Variants in ATG7 observed in about 807,000 individuals in gnomAD.
ATG7 encodes the protein ubiquitin-like modifier-activating enzyme ATG7.
ATG7 carries 70 observed loss-of-function variants against 82.4 expected under a neutral mutation model. The ratio of observed to expected loss-of-function variants is 0.85; its 90% CI spans 0.70 to 1.04. The LOEUF is 1.04. Among genes scored for constraint, ATG7 ranks in the 50% least tolerant of loss-of-function variants. The pLI, the probability that ATG7 is intolerant of heterozygous loss-of-function variation, is 0.00. For missense variants in ATG7, 792 were observed against 864.3 expected (o/e 0.92, Z 1.05); for synonymous variants, 287 against 313.0 (o/e 0.92, Z 0.88).
At chr3:11,541,421 C>T (rs529604156) in intron 20 of ATG7, among the ~76,000 whole-genome samples, 7 of 152,266 alleles carry the variant, frequency 4.6e-5, no homozygotes, top group African/African-American at 1.7e-4. Context: ...TCCTGGTTAT[C>T]CTCATCTCAG....
intron 20 of ATG7, among the ~76,000 whole-genome samples, chr3:11,549,904 T>C (rs1267173565): frequency 6.6e-6 from 1 of 152,216 alleles, no homozygotes; most frequent in Non-Finnish European, 1.5e-5. Flanking sequence ...ATCGCTGGCC[T>C]TTAGCTTCAG....
chr3:11,511,634 C>A (rs2092062449), intron 20 of ATG7, among the ~76,000 whole-genome samples: 1 of 152,118 alleles, frequency 6.6e-6, no homozygotes, highest in Admixed American at 6.5e-5. Flanking sequence ...GGACTGGGCG[C>A]CGTGAGCAGG....
At chr3:11,439,618 G>C (rs943330193) in intron 20 of ATG7, among the ~76,000 whole-genome samples, 2 of 152,182 alleles carry the variant, frequency 1.3e-5, no homozygotes, top group African/African-American at 2.4e-5. Flanking sequence ...AAAGTCACTA[G>C]GACTGCAAGG....
At chr3:11,485,718 A>G (rs2089548528) in intron 20 of ATG7, among the ~76,000 whole-genome samples, 5 of 152,170 alleles carry the variant, frequency 3.3e-5, no homozygotes, top group Admixed American at 3.3e-4. Flanking sequence ...TAATTTTTGT[A>G]TAAGGTGTAA....
the ATG7 span, among the ~76,000 whole-genome samples, chr3:11,567,665 A>G: frequency 1.4e-4 from 22 of 152,180 alleles, no homozygotes; most frequent in Non-Finnish European, 2.6e-4. Context: ...GATCCCAGAC[A>G]CCGATGTCAC....
chr3:11,425,124 G>A (rs2152939756), intron 19 of ATG7, among the ~76,000 whole-genome samples: 1 of 152,176 alleles, frequency 6.6e-6, no homozygotes, highest in Non-Finnish European at 1.5e-5. Context: ...CACCATGCCT[G>A]GCTAATTTTT....
intron 19 of ATG7, among the ~76,000 whole-genome samples, chr3:11,417,607 T>G (rs2081478758): frequency 6.6e-6 from 1 of 152,014 alleles, no homozygotes; most frequent in Non-Finnish European, 1.5e-5. Context: ...TTTTATTTCT[T>G]GTTCCATTAT....
chr3:11,529,930 C>T (rs2092662027), intron 20 of ATG7, among the ~76,000 whole-genome samples: 1 of 152,214 alleles, frequency 6.6e-6, no homozygotes, highest in Non-Finnish European at 1.5e-5. Context: ...CCATCTGCAC[C>T]ACCATCCTCT....
chr3:11,386,169 C>T (rs1295075697), intron 19 of ATG7, among the ~76,000 whole-genome samples: 2 of 152,156 alleles, frequency 1.3e-5, no homozygotes, highest in African/African-American at 4.8e-5. Flanking sequence ...CTCTGCCCGC[C>T]TTCATTTATT....
intron 3 of ATG7, among the ~76,000 whole-genome samples, chr3:11,291,607 T>C (rs1401505240): frequency 6.6e-6 from 1 of 152,190 alleles, no homozygotes; most frequent in Non-Finnish European, 1.5e-5. Flanking sequence ...AGTGTAGTGC[T>C]TGGTACAGAA....
chr3:11,495,998 A>T lies in ATG7; in HGVS notation c.2080-58813A>T, dbSNP rs371408342. Among the ~76,000 whole-genome samples the T allele has an allele frequency of 4.6e-5, 7 of 152,340 alleles. 1 individual carries two copies. The East Asian group carries it at 1.4e-3, about 29-fold the overall frequency. The stretch of plus-strand genomic sequence containing the variant: ...CATTTCCAGGCACTTTCCACATGGT[A>T]GCCCTATGACGTAAGTAAATTTGGG... On this transcript the variant is annotated intron_variant, in intron 20 of 20. Transcript: ENST00000693202.
chr3:11,306,825 ATCT>A (rs1947828360), intron 5 of ATG7, 115 bp from the exon 6 acceptor site: 1 of 739,778 alleles, frequency 1.4e-6, no homozygotes. Context: ...CATACAGTTA[ATCT>A]TCTGTTTGCC....
At position 11,299,397 on chromosome 3, in the gene ATG7, G is replaced by T. The variant is rs1219329695; in HGVS notation, c.196G>T (p.Glu66Ter). 1 of 1,612,220 alleles carries T rather than the reference G, an allele frequency of 6.2e-7. No homozygotes were observed. The highest frequency in any genetic ancestry group is 8.5e-7 in the Non-Finnish European group (1 of 1,178,306). The stretch of plus-strand genomic sequence containing the variant: ...TGGGCTGCCAGCTCGCTTAACATTG[G>T]AGTTCAGTGCTTTTGACATGTGAGT... ...SAGLPARLTL[E>*]FSAFDMSAPT... Residue 66 changes from glutamate (E) to a stop codon, truncating the protein, a stop_gained, in exon 5 of 21, where the codon GAG (glutamate) becomes TAG (stop). Transcript: ENST00000693202. LOFTEE classifies it high-confidence loss of function.
chr3:11,378,685 C>CAAAAAAAAAAAAAAA (rs368506515), intron 18 of ATG7, among the ~76,000 whole-genome samples: 4 of 78,936 alleles, frequency 5.1e-5, no homozygotes, highest in African/African-American at 2.8e-4. Context: ...ACTCCATCTC[C>CAAAAAAAAAAAAAAA]AAAAAAAAAA....
At chr3:11,561,298 A>G (rs1201701891), downstream of ATG7, among the ~76,000 whole-genome samples, 1 of 152,172 alleles carries the variant, frequency 6.6e-6, no homozygotes, top group African/African-American at 2.4e-5. Context: ...CCTTTATGTC[A>G]GTCTATCCAA....
At chr3:11,362,776 G>T (rs1472048142) in intron 16 of ATG7, 37 bp from the exon 17 acceptor site, 2 of 1,573,204 alleles carry the variant, frequency 1.3e-6, no homozygotes, top group East Asian at 2.3e-5. Context: ...GAATGGAGTA[G>T]AACGTTCTGC....
chr3:11,310,470 A>G (rs1233786669), intron 7 of ATG7, among the ~76,000 whole-genome samples: 1 of 152,234 alleles, frequency 6.6e-6, no homozygotes, highest in Non-Finnish European at 1.5e-5. Context: ...GATAGCAATC[A>G]AACAAGGCCA....
At chr3:11,276,172 CT>C (rs557858809) in intron 1 of ATG7, among the ~76,000 whole-genome samples, 113 of 152,302 alleles carry the variant, frequency 7.4e-4, no homozygotes, top group African/African-American at 2.4e-3. Context: ...CCTACCTTGA[CT>C]TTTGCTCCAC....
rs371695750 is a variant in ATG7 at position 11,298,865 on chromosome 3, T to C, written c.160+10T>C. The C allele has an allele frequency of 6.2e-7, 1 of 1,613,616 alleles. No individual in the cohort carries two copies. Among genetic ancestry groups the C allele is most frequent in the Non-Finnish European group, 8.5e-7 (1 of 1,179,710 alleles). ...GGTTATTACTACAATGGTAGGTGAT[T>C]GTAAATTTCATTTTCCATCATCTTC... On this transcript the variant is annotated intron_variant, in intron 4 of 20. Transcript: ENST00000693202.
Sources: gnomAD v4.1 joint callset for allele counts (sites outside exome capture counted in the v4.1 genomes callset) on GRCh38, gnomAD v4.1.1 for gene constraint, MANE v1.5 for transcripts, NCBI Gene and HGNC (gene_info 2026-07-23, HGNC 2026-07-21) for gene names.